The following EPHA6 variants were observed in gnomAD, a reference collection of about 807,000 sequenced individuals.
EPHA6 encodes ephrin type-A receptor 6.
EPHA6 carries 50 observed loss-of-function variants against 112.0 expected under a neutral mutation model. That is an observed-to-expected ratio of 0.45 (90% CI 0.36 to 0.56). EPHA6 has a LOEUF of 0.56. Ranked by LOEUF, EPHA6 falls within the 20% of genes least tolerant of loss-of-function variation. The pLI, the probability that EPHA6 is intolerant of heterozygous loss-of-function variation, is 0.00. For missense variants in EPHA6, 1,280 were observed against 1,417.4 expected (o/e 0.90, Z 1.56); for synonymous variants, 529 against 490.7 (o/e 1.08, Z -1.03).
At chr3:96,909,289 T>G (rs893066491) in intron 2 of EPHA6, among the ~76,000 whole-genome samples, 1 of 151,970 alleles carries the variant, frequency 6.6e-6, no homozygotes, top group Non-Finnish European at 1.5e-5. Flanking sequence ...AATTGTGTTT[T>G]AATTTCTTAA....
chr3:96,838,603 T>G (rs1463525059), intron 1 of EPHA6, among the ~76,000 whole-genome samples: 1 of 152,066 alleles, frequency 6.6e-6, no homozygotes, highest in Non-Finnish European at 1.5e-5. Context: ...AATTATAATT[T>G]TCTATAATTC....
chr3:97,673,592 G>A (rs77984388), intron 14 of EPHA6, among the ~76,000 whole-genome samples: 2,013 of 152,308 alleles, frequency 0.013, 41 homozygotes, highest in African/African-American at 0.045. Flanking sequence ...TGAGTCATAT[G>A]TAAGAGCAGA....
At chr3:97,312,384 T>C (rs2081602374) in intron 5 of EPHA6, among the ~76,000 whole-genome samples, 1 of 151,522 alleles carries the variant, frequency 6.6e-6, no homozygotes, top group South Asian at 2.1e-4. Flanking sequence ...CACGATTAAG[T>C]ATGATACAGG....
At chr3:96,954,128 C>T (rs533599334) in intron 2 of EPHA6, among the ~76,000 whole-genome samples, 2 of 152,206 alleles carry the variant, frequency 1.3e-5, no homozygotes, top group South Asian at 2.1e-4. Context: ...CCTGCCTCTA[C>T]GTCCCAAAGT....
intron 5 of EPHA6, among the ~76,000 whole-genome samples, chr3:97,270,860 T>C (rs2079854475): frequency 6.6e-6 from 1 of 152,190 alleles, no homozygotes; most frequent in Non-Finnish European, 1.5e-5. Flanking sequence ...GAACAGTAGT[T>C]ATCATTGTAC....
intron 12 of EPHA6, among the ~76,000 whole-genome samples, chr3:97,593,225 A>T (rs1335468502): frequency 1.3e-5 from 2 of 152,228 alleles, no homozygotes; most frequent in Non-Finnish European, 2.9e-5. Flanking sequence ...AATAAAAATT[A>T]ATATGCATTT....
chr3:96,829,945 G>GCA (rs1186127490), intron 1 of EPHA6, among the ~76,000 whole-genome samples: 8 of 86,966 alleles, frequency 9.2e-5, no homozygotes, highest in East Asian at 8.9e-4. Context: ...ATGTGCGCGC[G>GCA]CGCGCACACA....
At chr3:97,434,650 C>A (rs1238001651) in intron 6 of EPHA6, among the ~76,000 whole-genome samples, 1 of 151,966 alleles carries the variant, frequency 6.6e-6, no homozygotes, top group Non-Finnish European at 1.5e-5. Flanking sequence ...TCTATTATTG[C>A]ATAATTTTTA....
chr3:97,723,333 C>CT (rs1281688563), intron 15 of EPHA6, among the ~76,000 whole-genome samples: 1 of 152,168 alleles, frequency 6.6e-6, no homozygotes, highest in Non-Finnish European at 1.5e-5. Context: ...TGTCCATCAT[C>CT]TTTTCCTGGA....
intron 3 of EPHA6, among the ~76,000 whole-genome samples, chr3:97,171,879 G>A (rs758060188): frequency 6.6e-6 from 1 of 151,946 alleles, no homozygotes; most frequent in Admixed American, 6.6e-5. Flanking sequence ...TAAACTATAG[G>A]TTAAAATTAT....
At chr3:97,568,703 T>C (rs971512514) in intron 11 of EPHA6, among the ~76,000 whole-genome samples, 3 of 152,130 alleles carry the variant, frequency 2.0e-5, no homozygotes, top group Non-Finnish European at 2.9e-5. Flanking sequence ...TACTCAAATA[T>C]CTACTGTTAC....
At chr3:97,388,654 T>G (rs751519630) in intron 5 of EPHA6, among the ~76,000 whole-genome samples, 1 of 152,304 alleles carries the variant, frequency 6.6e-6, no homozygotes, top group East Asian at 1.9e-4. Flanking sequence ...GGAGGCAATC[T>G]TCCTCGGCTA....
chr3:97,338,093 CGTGT>C (rs150656529), intron 5 of EPHA6, among the ~76,000 whole-genome samples: 2 of 150,160 alleles, frequency 1.3e-5, no homozygotes, highest in Non-Finnish European at 3.0e-5. Flanking sequence ...TGTGTGTGTG[CGTGT>C]GTGTGTGTGT....
At chr3:97,419,233 G>T (rs527718973) in intron 6 of EPHA6, among the ~76,000 whole-genome samples, 5 of 152,160 alleles carry the variant, frequency 3.3e-5, no homozygotes, top group African/African-American at 7.2e-5. Flanking sequence ...AACCCAGGAG[G>T]TGGAAGTTGC....
chr3:97,124,811 C>G (rs1056886723), intron 3 of EPHA6, among the ~76,000 whole-genome samples: 6 of 152,116 alleles, frequency 3.9e-5, no homozygotes, highest in Non-Finnish European at 8.8e-5. Context: ...TTACTAAGGC[C>G]TAGTAACACC....
intron 7 of EPHA6, among the ~76,000 whole-genome samples, chr3:97,471,528 G>C (rs1272467344): frequency 6.6e-6 from 1 of 151,544 alleles, no homozygotes; most frequent in East Asian, 1.9e-4. Flanking sequence ...CTGAGCTTTG[G>C]TCCACTCAAC....
intron 14 of EPHA6, among the ~76,000 whole-genome samples, chr3:97,692,095 TA>T (rs2032709398): frequency 1.3e-5 from 2 of 152,340 alleles, no homozygotes; most frequent in African/African-American, 4.8e-5. Context: ...AAAAAACTTA[TA>T]TTTATAGATT....
chr3:97,027,304 A>G (rs2044673806), intron 3 of EPHA6, among the ~76,000 whole-genome samples: 1 of 152,134 alleles, frequency 6.6e-6, no homozygotes, highest in Admixed American at 6.6e-5. Context: ...GGAGGGTTAG[A>G]GGAGGGAGAG....
At chr3:97,148,514 T>A (rs2076095557) in intron 3 of EPHA6, among the ~76,000 whole-genome samples, 1 of 152,158 alleles carries the variant, frequency 6.6e-6, no homozygotes, top group Non-Finnish European at 1.5e-5. Flanking sequence ...AAAGTTAGAA[T>A]AATTGTTTAA....
Sources: allele counts gnomAD v4.1 joint callset (sites outside exome capture counted in the v4.1 genomes callset), GRCh38; gene constraint gnomAD v4.1.1; transcripts MANE v1.5; gene names NCBI Gene and HGNC (gene_info 2026-07-23, HGNC 2026-07-21).